The following ZBTB44 variants were observed in gnomAD, a reference collection of about 807,000 sequenced individuals.
The protein encoded by ZBTB44 is zinc finger and BTB domain containing 44.
ZBTB44 carries 15 observed loss-of-function variants against 54.0 expected under a neutral mutation model. The observed-to-expected ratio is 0.28, with a 90% CI of 0.19 to 0.43. The LOEUF (loss-of-function observed/expected upper bound fraction) is 0.43. Ranked by LOEUF, ZBTB44 falls within the 20% of genes least tolerant of loss-of-function variation. The probability of loss-of-function intolerance (pLI) is 1.00; values close to 1 mark genes in which losing one functional copy is unlikely to be tolerated. For synonymous variants in ZBTB44, 230 were observed against 250.1 expected, an observed-to-expected ratio of 0.92 and a Z score of 0.76; for missense variants, 487 against 707.1, an observed-to-expected ratio of 0.69 and a Z score of 3.53.
intron 1 of ZBTB44, among the ~76,000 whole-genome samples, chr11:130,306,080 G>A (rs1310410683): frequency 6.6e-6 from 1 of 152,154 alleles, no homozygotes; most frequent in African/African-American, 2.4e-5. Context: ...CTGTAAGAAT[G>A]GCTATAATTT....
chr11:130,279,101 T>A (rs573694757), intron 1 of ZBTB44, among the ~76,000 whole-genome samples: 1 of 152,228 alleles, frequency 6.6e-6, no homozygotes, highest in South Asian at 2.1e-4. Flanking sequence ...CTTCTTACTG[T>A]TTCTTGCTTA....
intron 1 of ZBTB44, chr11:130,296,471 T>C: frequency 9.0e-7 from 1 of 1,111,186 alleles, no homozygotes; most frequent in Non-Finnish European, 1.3e-6. Context: ...GCAACACAGA[T>C]TTGGGAACAC....
chr11:130,250,450 C>T (rs1937908622), intron 2 of ZBTB44, among the ~76,000 whole-genome samples: 1 of 152,212 alleles, frequency 6.6e-6, no homozygotes, highest in Admixed American at 6.5e-5. Context: ...ACTGCCTCCT[C>T]AAGTGGGTCC....
Position 130,238,125 on chromosome 11 carries a change from T to G in ZBTB44, c.1267+319A>C, listed in dbSNP as rs546127978. The stretch of plus-strand genomic sequence containing the variant: ...GCACAAAGAACACCCATACAGACCC[T>G]TTTAACCCTATTTGCTTTACCATCT... On this transcript the variant is annotated intron_variant, in intron 4 of 7. Coordinates refer to ENST00000357899, the MANE Select transcript of ZBTB44 (RefSeq NM_001301098.2). 2.0e-3 allele frequency among the ~76,000 whole-genome samples: 309 copies of G among 152,182 alleles called. 1 individual carries two copies. Among genetic ancestry groups the G allele is most frequent in the African/African-American group, 7.3e-3 (301 of 41,450 alleles).
chr11:130,273,528 GTCTCA>G (rs1284167286), intron 1 of ZBTB44, among the ~76,000 whole-genome samples: 1 of 151,858 alleles, frequency 6.6e-6, no homozygotes, highest in Middle Eastern at 3.2e-3. Flanking sequence ...GCCCAGGCCG[GTCTCA>G]AACTCCCGGG....
chr11:130,303,604 C>T (rs551052233), intron 1 of ZBTB44, among the ~76,000 whole-genome samples: 7 of 152,104 alleles, frequency 4.6e-5, no homozygotes, highest in South Asian at 2.1e-4. Flanking sequence ...CATTGCACTC[C>T]GGCCTGGGCA....
intron 1 of ZBTB44, among the ~76,000 whole-genome samples, chr11:130,309,895 C>T (rs1253304054): frequency 2.8e-5 from 2 of 71,520 alleles, no homozygotes; most frequent in African/African-American, 8.7e-5. Flanking sequence ...GACTGCATCT[C>T]AAAAAAAAAA....
chr11:130,282,104 A>C (rs1386780565), intron 1 of ZBTB44, among the ~76,000 whole-genome samples: 1 of 152,204 alleles, frequency 6.6e-6, no homozygotes, highest in Non-Finnish European at 1.5e-5. Flanking sequence ...CATCTAAGTT[A>C]CTTAATAAGC....
intron 1 of ZBTB44, chr11:130,296,117 G>A (rs1941626242): frequency 5.2e-6 from 8 of 1,532,988 alleles, no homozygotes; most frequent in Admixed American, 3.3e-5. Context: ...TTGCCAACAT[G>A]TAGACAGACT....
chr11:130,249,583 T>C (rs1171282788), intron 2 of ZBTB44, among the ~76,000 whole-genome samples: 3 of 152,192 alleles, frequency 2.0e-5, no homozygotes, highest in African/African-American at 7.2e-5. Context: ...TCTGCATTTC[T>C]AATGAGGTAC....
chr11:130,262,168 C>T (rs1303330135), intron 1 of ZBTB44, among the ~76,000 whole-genome samples: 2 of 152,118 alleles, frequency 1.3e-5, no homozygotes, highest in Admixed American at 6.5e-5. Flanking sequence ...GAGACAGAGT[C>T]TTGCTCTGTT....
At chr11:130,287,882 T>G (rs1941058997) in intron 1 of ZBTB44, among the ~76,000 whole-genome samples, 1 of 151,664 alleles carries the variant, frequency 6.6e-6, no homozygotes, top group Non-Finnish European at 1.5e-5. Context: ...AAATTAAAAC[T>G]TAGAAATTTA....
intron 1 of ZBTB44, among the ~76,000 whole-genome samples, chr11:130,282,691 A>T (rs1221502330): frequency 6.6e-6 from 1 of 152,212 alleles, no homozygotes; most frequent in African/African-American, 2.4e-5. Context: ...CAAACATAGA[A>T]TTCTGTATTT....
At chr11:130,285,536 C>A (rs1199587615) in intron 1 of ZBTB44, 6 of 210,160 alleles carry the variant, frequency 2.9e-5, no homozygotes, top group African/African-American at 1.4e-4. Flanking sequence ...AGGTGATCTG[C>A]CTGCCTTGGC....
Position 130,261,505 on chromosome 11 carries a change from G to T in ZBTB44, c.369C>A (p.Phe123Leu), listed in dbSNP as rs753573842. 4 of 1,613,822 alleles carry T rather than the reference G, an allele frequency of 2.5e-6. No individual in the cohort carries two copies. In the East Asian group the frequency reaches 6.7e-5, roughly 27 times the overall value. The change falls in exon 2 of 8, where the codon TTC becomes TTA. Residue 123 changes from phenylalanine to leucine, a missense_variant. Coordinates refer to ENST00000357899, the MANE Select transcript of ZBTB44 (RefSeq NM_001301098.2). The surrounding 1 kb of genome is among the most constrained non-coding windows in gnomAD (Gnocchi z 4.8). ...MFSVASTCSEFMKSSILWNTP... is the reference protein window; with the variant it reads ...MFSVASTCSELMKSSILWNTP... ...TATTCCATAAAATGCTTGATTTCAT[G>T]AACTCTGAGCAGGTGCTGGCAACAC...
At chr11:130,286,638 C>G (rs944153145) in intron 1 of ZBTB44, among the ~76,000 whole-genome samples, 1 of 152,218 alleles carries the variant, frequency 6.6e-6, no homozygotes, top group Non-Finnish European at 1.5e-5. Flanking sequence ...TGACAGATTT[C>G]TTCACCTCAT....
intron 1 of ZBTB44, among the ~76,000 whole-genome samples, chr11:130,294,229 C>T (rs1202807676): frequency 6.6e-6 from 1 of 151,458 alleles, no homozygotes; most frequent in East Asian, 2.0e-4. Flanking sequence ...GCCAACACAG[C>T]GAAACCCCGT....
intron 2 of ZBTB44, among the ~76,000 whole-genome samples, chr11:130,246,785 GC>G (rs2136329427): frequency 6.6e-6 from 1 of 152,266 alleles, no homozygotes; most frequent in African/African-American, 2.4e-5. Context: ...TAGGGGTGGG[GC>G]CTGGTCCTTA....
intron 1 of ZBTB44, among the ~76,000 whole-genome samples, chr11:130,300,825 G>A (rs930241185): frequency 4.6e-5 from 7 of 152,126 alleles, no homozygotes; most frequent in Non-Finnish European, 8.8e-5. Flanking sequence ...ACAGACATGA[G>A]GAAGTGAAAA....
Sources: gnomAD v4.1 joint callset for allele counts (sites outside exome capture counted in the v4.1 genomes callset) on GRCh38, gnomAD v4.1.1 for gene constraint, Gnocchi (gnomAD v3.1) non-coding constraint, MANE v1.5 for transcripts, NCBI Gene and HGNC (gene_info 2026-07-23, HGNC 2026-07-21) for gene names.